The following ATP10B variants were observed in gnomAD, a reference collection of about 807,000 sequenced individuals.
ATP10B encodes ATPase phospholipid transporting 10B (putative).
Under a neutral mutation model 141.2 loss-of-function variants are expected in ATP10B, and 122 were observed. The observed-to-expected ratio is 0.86, with a 90% CI of 0.75 to 1.00. The LOEUF (loss-of-function observed/expected upper bound fraction) is 1.00, where lower values mean the gene tolerates loss of function less well. Ranked by LOEUF, ATP10B falls within the 50% of genes least tolerant of loss-of-function variation. The pLI is 0.00. For missense variants in ATP10B, 1,876 were observed against 1,825.3 expected (o/e 1.03, Z -0.51); for synonymous variants, 685 against 692.0 (o/e 0.99, Z 0.16).
At chr5:160,747,492 G>GTAGAC (rs1188950093) in intron 2 of ATP10B, among the ~76,000 whole-genome samples, 1 of 152,152 alleles carries the variant, frequency 6.6e-6, no homozygotes, top group African/African-American at 2.4e-5. Context: ...ACTGGATTAG[G>GTAGAC]TAGACTCTAA....
chr5:160,787,791 C>T (rs779503187), intron 1 of ATP10B, among the ~76,000 whole-genome samples: 2 of 152,020 alleles, frequency 1.3e-5, no homozygotes. Context: ...CTTGGTTTCC[C>T]TGTCTATCAA....
At chr5:160,706,211 C>G (rs1765003109) in intron 3 of ATP10B, among the ~76,000 whole-genome samples, 1 of 152,074 alleles carries the variant, frequency 6.6e-6, no homozygotes, top group South Asian at 2.1e-4. Context: ...GTGAGAATAC[C>G]CAGAATGTGA....
At chr5:160,695,694 A>C (rs568602083) in intron 3 of ATP10B, among the ~76,000 whole-genome samples, 2 of 152,198 alleles carry the variant, frequency 1.3e-5, no homozygotes, top group South Asian at 4.1e-4. Context: ...CCAATTCTCT[A>C]AAAAGCATAT....
chr5:160,774,500 A>G (rs951492959), intron 2 of ATP10B, among the ~76,000 whole-genome samples: 1 of 152,190 alleles, frequency 6.6e-6, no homozygotes, highest in African/African-American at 2.4e-5. Context: ...TTAAGGAGAC[A>G]TCATATCTGC....
chr5:160,918,257 C>T, the ATP10B span, among the ~76,000 whole-genome samples: 2 of 152,154 alleles, frequency 1.3e-5, no homozygotes, highest in Non-Finnish European at 2.9e-5. Context: ...AATGAGTATA[C>T]TGGTTATAAT....
intron 7 of ATP10B, 84 bp downstream of exon 7, chr5:160,670,379 A>G: frequency 7.3e-7 from 1 of 1,363,062 alleles, no homozygotes; most frequent in Non-Finnish European, 1.0e-6. Flanking sequence ...CCCTCTACCC[A>G]GTAGGTTTAG....
At chr5:160,846,005 T>G (rs887255878) in intron 1 of ATP10B, among the ~76,000 whole-genome samples, 20 of 152,198 alleles carry the variant, frequency 1.3e-4, no homozygotes. Context: ...GACACTCATT[T>G]CTAATCTCCA....
At chr5:160,612,696 C>G (rs1386861045) in intron 18 of ATP10B, 45 bp downstream of exon 18, 1 of 1,553,530 alleles carries the variant, frequency 6.4e-7, no homozygotes, top group East Asian at 2.3e-5. Flanking sequence ...AGGGGTTGCT[C>G]TACACGTTGA....
rs1561839861 is a variant in ATP10B, at chr5:160,774,432, T to C, written c.-331+11127A>G. Among the ~76,000 whole-genome samples the C allele has an allele frequency of 2.0e-5, 3 of 152,236 alleles. No homozygotes were observed. The South Asian group carries it at 6.2e-4, about 32-fold the overall frequency. On this transcript the variant is annotated intron_variant, in intron 2 of 25. Transcript: ENST00000327245. ...CAAATCTCTCAATCTTTCTTGATAT[T>C]CAGAATTTGTACACGGGTAAAATGA...
At chr5:160,687,385 A>T (rs539571123) in intron 5 of ATP10B, among the ~76,000 whole-genome samples, 1 of 152,296 alleles carries the variant, frequency 6.6e-6, no homozygotes, top group African/African-American at 2.4e-5. Flanking sequence ...ACTTCTTAAG[A>T]CAAATGCATT....
At chr5:160,739,690 C>CT (rs1767341202) in intron 2 of ATP10B, among the ~76,000 whole-genome samples, 1 of 152,148 alleles carries the variant, frequency 6.6e-6, no homozygotes. Context: ...ATATGAATGG[C>CT]TATGATTCCT....
At chr5:160,892,908 G>C in the ATP10B span, among the ~76,000 whole-genome samples, 1 of 152,324 alleles carries the variant, frequency 6.6e-6, no homozygotes, top group South Asian at 2.1e-4. Flanking sequence ...AGCCAAAGCA[G>C]GGTGAGATGT....
At position 160,620,730 on chromosome 5, in the gene ATP10B, C is replaced by T. The variant is rs983181424; in HGVS notation, c.2033G>A (p.Gly678Asp). ...GTCCCACATGCTGCTCCTGTAGCCACCGTCATCAGTGGAGTCACCTCCACT... is the reference window on the plus strand; with the variant it reads ...GTCCCACATGCTGCTCCTGTAGCCATCGTCATCAGTGGAGTCACCTCCACT... ...VCSGGDSTDD[G>D]GYRSSMWDQG... The change falls in exon 15 of 26, where the codon GGT (glycine) becomes GAT (aspartate). Residue 678 changes from glycine (G) to aspartate (D), a missense_variant. Gly to Asp is a moderately conservative substitution (Grantham distance 94). Transcript: ENST00000327245. The T allele has an allele frequency of 3.1e-6, 5 of 1,614,086 alleles. No individual in the cohort carries two copies. The African/African-American group carries it at 4.0e-5, about 13-fold the overall frequency.
At chr5:160,796,164 T>C (rs1035424778) in intron 1 of ATP10B, among the ~76,000 whole-genome samples, 4 of 152,318 alleles carry the variant, frequency 2.6e-5, no homozygotes, top group Admixed American at 2.6e-4. Flanking sequence ...AAAGCATTCT[T>C]AAGAATTTAC....
intron 1 of ATP10B, among the ~76,000 whole-genome samples, chr5:160,803,308 G>A (rs1263749042): frequency 2.0e-5 from 3 of 152,142 alleles, no homozygotes; most frequent in Non-Finnish European, 4.4e-5. Flanking sequence ...CAGGAACTGT[G>A]CTAAATGCTT....
chr5:160,626,148 C>G (rs1398964675), intron 13 of ATP10B, among the ~76,000 whole-genome samples: 1 of 152,210 alleles, frequency 6.6e-6, no homozygotes, highest in Admixed American at 6.5e-5. Flanking sequence ...CCATTGCTGA[C>G]CATTGTCCAG....
Position 160,564,152 on chromosome 5 carries a change from A to T in ATP10B, c.*1301T>A, listed in dbSNP as rs1028226516. 2 of 152,030 alleles carry T rather than the reference A, an allele frequency of 1.3e-5. No homozygotes were observed. The highest frequency in any genetic ancestry group is 4.8e-5 in the African/African-American group (2 of 41,378). The allele number at this position is 152,030 out of a possible 1,614,324, so 9.4% of individuals were successfully genotyped here. On this transcript the variant is annotated 3_prime_UTR_variant, in exon 26 of 26. Transcript: ENST00000327245. Reference sequence around the variant, plus strand: ...AAGACTCACCACACTTATTGCATCTATTTCTGTACTTTTTGCCTACTATAT... The same window carrying T: ...AAGACTCACCACACTTATTGCATCTTTTTCTGTACTTTTTGCCTACTATAT...
intron 7 of ATP10B, among the ~76,000 whole-genome samples, chr5:160,657,447 T>A (rs1433118069): frequency 6.6e-6 from 1 of 152,174 alleles, no homozygotes; most frequent in African/African-American, 2.4e-5. Flanking sequence ...ATTTGCATAT[T>A]CAATCACTCT....
At chr5:160,768,858 A>G (rs183227962) in intron 2 of ATP10B, among the ~76,000 whole-genome samples, 67 of 152,300 alleles carry the variant, frequency 4.4e-4, no homozygotes, top group East Asian at 1.7e-3. Context: ...AACACACAGT[A>G]TGTTGGACAC....
Sources: allele counts gnomAD v4.1 joint callset (sites outside exome capture counted in the v4.1 genomes callset), GRCh38; gene constraint gnomAD v4.1.1; transcripts MANE v1.5; gene names NCBI Gene and HGNC (gene_info 2026-07-23, HGNC 2026-07-21).